CNTNAP2: variants seen among roughly 807,000 people sequenced by gnomAD.
The protein encoded by CNTNAP2 is contactin associated protein 2.
CNTNAP2 carries 98 observed loss-of-function variants against 155.2 expected under a neutral mutation model. The observed-to-expected ratio is 0.63, with a 90% CI of 0.54 to 0.75. The LOEUF is 0.75. Ranked by LOEUF, CNTNAP2 falls within the 30% of genes least tolerant of loss-of-function variation. The probability of loss-of-function intolerance (pLI) is 0.00; values close to 1 mark genes in which losing one functional copy is unlikely to be tolerated. For missense variants in CNTNAP2, 1,727 were observed against 1,688.1 expected, an observed-to-expected ratio of 1.02 and a Z score of -0.40; for synonymous variants, 651 against 631.2, an observed-to-expected ratio of 1.03 and a Z score of -0.47.
At position 146,638,331 on chromosome 7, in the gene CNTNAP2, G is replaced by A. The variant is rs531294611; in HGVS notation, c.98-135940G>A. 2.3e-4 allele frequency among the ~76,000 whole-genome samples: 35 copies of A among 152,086 alleles called. 1 individual carries two copies. In the East Asian group the frequency reaches 5.6e-3, roughly 24 times the overall value. On this transcript the variant is annotated intron_variant, in intron 1 of 23. Transcript: ENST00000361727. The stretch of plus-strand genomic sequence containing the variant: ...CTCCAGTTTGTTGGACAAAGTAGGC[G>A]GGATATGAAGGCAGCTCTTATACAC...
intron 3 of CNTNAP2, among the ~76,000 whole-genome samples, chr7:146,903,041 T>C (rs1211981751): frequency 1.3e-5 from 2 of 152,196 alleles, no homozygotes; most frequent in Non-Finnish European, 1.5e-5. Context: ...TCTACCGATA[T>C]TGGGAGCAAG....
At chr7:147,223,105 G>A (rs909671734) in intron 8 of CNTNAP2, among the ~76,000 whole-genome samples, 5 of 152,188 alleles carry the variant, frequency 3.3e-5, no homozygotes, top group Admixed American at 6.5e-5. Context: ...CACAAAGTGT[G>A]GGACCCGTCC....
chr7:146,137,864 G>A (rs1797820044), intron 1 of CNTNAP2, among the ~76,000 whole-genome samples: 1 of 151,726 alleles, frequency 6.6e-6, no homozygotes, highest in African/African-American at 2.4e-5. Context: ...AAATAAACAT[G>A]TAGAAAAGAA....
At chr7:147,333,696 A>C (rs13231364) in intron 9 of CNTNAP2, among the ~76,000 whole-genome samples, 26,004 of 152,166 alleles carry the variant, frequency 0.17, 2,843 homozygotes, top group Non-Finnish European at 0.24. Context: ...ATTGGTTAAT[A>C]GATTTATCCT....
At chr7:147,515,541 T>C (rs1436660192) in intron 11 of CNTNAP2, among the ~76,000 whole-genome samples, 2 of 152,066 alleles carry the variant, frequency 1.3e-5, no homozygotes, top group Non-Finnish European at 2.9e-5. Context: ...CAGGATGGTC[T>C]CGATCTCTTG....
chr7:146,680,469 A>G (rs1341677319), intron 1 of CNTNAP2, among the ~76,000 whole-genome samples: 1 of 152,150 alleles, frequency 6.6e-6, no homozygotes, highest in Non-Finnish European at 1.5e-5. Context: ...CATAACCTTG[A>G]TTACAGCAGC....
chr7:147,633,525 C>T (rs1795125219), intron 12 of CNTNAP2, among the ~76,000 whole-genome samples: 1 of 152,076 alleles, frequency 6.6e-6, no homozygotes, highest in Non-Finnish European at 1.5e-5. Flanking sequence ...ATTGTGAGGT[C>T]ATGAGATTTG....
Position 146,239,484 on chromosome 7 carries a change from A to ATGTGATAGT in CNTNAP2, c.97+122514_97+122522dup, listed in dbSNP as rs1367145556. Among the ~76,000 whole-genome samples, 8 of 152,264 alleles carry ATGTGATAGT rather than the reference A, an allele frequency of 5.3e-5. No homozygotes were observed. In the East Asian group the frequency reaches 1.5e-3, roughly 29 times the overall value. On this transcript the variant is annotated intron_variant, in intron 1 of 23. Coordinates refer to ENST00000361727, the MANE Select transcript of CNTNAP2 (RefSeq NM_014141.6). ...GCACAGTTTTCTCAGTAAAAAAATA[A>ATGTGATAGT]TGTGATAGTTGATAGGATAACCTGG...
At chr7:146,882,887 G>A (rs893524125) in intron 3 of CNTNAP2, among the ~76,000 whole-genome samples, 1 of 152,126 alleles carries the variant, frequency 6.6e-6, no homozygotes, top group East Asian at 1.9e-4. Context: ...TCTCCACAAG[G>A]AGAACCATAA....
chr7:146,437,032 G>T (rs555850733), intron 1 of CNTNAP2, among the ~76,000 whole-genome samples: 1 of 151,512 alleles, frequency 6.6e-6, no homozygotes, highest in Non-Finnish European at 1.5e-5. Flanking sequence ...GAACCGGGCC[G>T]CACGGCAGGA....
At chr7:146,668,218 A>G (rs1460591155) in intron 1 of CNTNAP2, among the ~76,000 whole-genome samples, 1 of 152,102 alleles carries the variant, frequency 6.6e-6, no homozygotes, top group East Asian at 1.9e-4. Flanking sequence ...TTCTGAATCT[A>G]TCAAAATGAT....
intron 9 of CNTNAP2, among the ~76,000 whole-genome samples, chr7:147,339,951 C>T (rs1463883697): frequency 6.6e-6 from 1 of 152,168 alleles, no homozygotes; most frequent in African/African-American, 2.4e-5. Flanking sequence ...AAAGCTCCTG[C>T]ACTGCAGTAA....
chr7:146,884,846 TATC>T (rs1431106522), intron 3 of CNTNAP2, among the ~76,000 whole-genome samples: 3 of 152,150 alleles, frequency 2.0e-5, no homozygotes, highest in Non-Finnish European at 4.4e-5. Context: ...CAATAATTAT[TATC>T]ATTCTAAAAA....
chr7:147,759,865 G>C (rs117489469), intron 13 of CNTNAP2, among the ~76,000 whole-genome samples: 7 of 152,156 alleles, frequency 4.6e-5, no homozygotes, highest in Non-Finnish European at 8.8e-5. Context: ...TCATTCATTT[G>C]CTGTAAGCAA....
intron 13 of CNTNAP2, among the ~76,000 whole-genome samples, chr7:147,701,189 G>C (rs1374847898): frequency 6.6e-6 from 1 of 152,114 alleles, no homozygotes. Context: ...TTAGATGTTG[G>C]ACCATTGTAG....
chr7:148,283,291 GAAAGAAAGA>G, intron 21 of CNTNAP2, among the ~76,000 whole-genome samples: 1 of 86,634 alleles, frequency 1.2e-5, no homozygotes, highest in African/African-American at 6.7e-5. Flanking sequence ...AAGAAAGAAA[GAAAGAAAGA>G]AAGAAAGGAA....
intron 13 of CNTNAP2, among the ~76,000 whole-genome samples, chr7:147,842,557 C>CTTTTTTTTT: frequency 1.1e-5 from 1 of 87,588 alleles, no homozygotes; most frequent in Non-Finnish European, 2.5e-5. Flanking sequence ...AGTTGCATTT[C>CTTTTTTTTT]TTTTTTTTTT....
intron 11 of CNTNAP2, among the ~76,000 whole-genome samples, chr7:147,515,424 G>C (rs537681312): frequency 6.7e-6 from 1 of 149,360 alleles, no homozygotes; most frequent in African/African-American, 2.4e-5. Flanking sequence ...CTGGGTTCAA[G>C]CGATCCTCCT....
chr7:147,367,434 G>C (rs1161253635), intron 9 of CNTNAP2, among the ~76,000 whole-genome samples: 1 of 152,136 alleles, frequency 6.6e-6, no homozygotes, highest in Non-Finnish European at 1.5e-5. Flanking sequence ...ATGAGATCCA[G>C]AATGCCTAGA....
Sources: gnomAD v4.1 joint callset for allele counts (sites outside exome capture counted in the v4.1 genomes callset) on GRCh38, gnomAD v4.1.1 for gene constraint, MANE v1.5 for transcripts, NCBI Gene and HGNC (gene_info 2026-07-23, HGNC 2026-07-21) for gene names.